ENTREP2: variants seen among roughly 807,000 people sequenced by gnomAD.
ENTREP2 encodes endosomal transmembrane epsin interactor 2, also known as protein ENTREP2.
the ENTREP2 span, among the ~76,000 whole-genome samples, chr15:29,353,351 C>G: frequency 1.3e-5 from 2 of 152,098 alleles, no homozygotes; most frequent in Admixed American, 1.3e-4. Context: ...AGACAAGAGC[C>G]CTGTGTGTCT....
the ENTREP2 span, among the ~76,000 whole-genome samples, chr15:29,145,325 T>C: frequency 6.6e-6 from 1 of 152,078 alleles, no homozygotes; most frequent in South Asian, 2.1e-4. Flanking sequence ...TTCTTTTTGA[T>C]AAAAAAGACC....
the ENTREP2 span, among the ~76,000 whole-genome samples, chr15:29,141,027 G>A: frequency 2.0e-5 from 3 of 152,228 alleles, no homozygotes; most frequent in South Asian, 2.1e-4. Context: ...AGTCTGCTCC[G>A]GGGAGAGGGG....
chr15:29,331,281 G>T, the ENTREP2 span, among the ~76,000 whole-genome samples: 117 of 152,292 alleles, frequency 7.7e-4, no homozygotes, highest in African/African-American at 2.6e-3. Context: ...CAGCAGGCCC[G>T]CCGGGAGGAG....
At chr15:29,326,147 A>G in the ENTREP2 span, among the ~76,000 whole-genome samples, 1 of 152,126 alleles carries the variant, frequency 6.6e-6, no homozygotes. Context: ...AATACTGCAC[A>G]CTTTCCCCCA....
At chr15:29,234,128 G>C in the ENTREP2 span, 2 of 1,538,172 alleles carry the variant, frequency 1.3e-6, no homozygotes, top group Admixed American at 3.3e-5. Context: ...TGACACATTG[G>C]GACTCTGCTC....
At chr15:29,645,812 G>C in the ENTREP2 span, among the ~76,000 whole-genome samples, 1 of 152,094 alleles carries the variant, frequency 6.6e-6, no homozygotes, top group Non-Finnish European at 1.5e-5. Context: ...CGCCCACTCA[G>C]CCTCCCAAAG....
chr15:29,396,584 T>C, the ENTREP2 span, among the ~76,000 whole-genome samples: 8 of 152,224 alleles, frequency 5.3e-5, 1 homozygote. Flanking sequence ...CTCTTAATAG[T>C]GTCCTTTGAT....
the ENTREP2 span, among the ~76,000 whole-genome samples, chr15:29,237,938 T>C: frequency 6.6e-6 from 1 of 152,052 alleles, no homozygotes; most frequent in African/African-American, 2.4e-5. Context: ...AGCCAAAAGG[T>C]GGAAACAACC....
chr15:29,595,953 C>T, the ENTREP2 span, among the ~76,000 whole-genome samples: 8 of 151,972 alleles, frequency 5.3e-5, no homozygotes, highest in Non-Finnish European at 8.8e-5. Flanking sequence ...AAGATGCTCC[C>T]GGCTTATCCT....
chr15:29,414,396 A>G, the ENTREP2 span, among the ~76,000 whole-genome samples: 1 of 152,200 alleles, frequency 6.6e-6, no homozygotes, highest in Non-Finnish European at 1.5e-5. Flanking sequence ...CTCCTGAATG[A>G]CTACTGGGTA....
chr15:29,552,057 A>G, the ENTREP2 span, among the ~76,000 whole-genome samples: 1 of 152,214 alleles, frequency 6.6e-6, no homozygotes, highest in African/African-American at 2.4e-5. Flanking sequence ...TCAAAGGAAC[A>G]GTCTCCTAAA....
the ENTREP2 span, among the ~76,000 whole-genome samples, chr15:29,644,298 G>A: frequency 2.6e-5 from 4 of 152,298 alleles, no homozygotes; most frequent in East Asian, 7.7e-4. Context: ...TGACAAAGGG[G>A]TGCAGAGTTC....
chr15:29,125,987 G>A, the ENTREP2 span, among the ~76,000 whole-genome samples: 3 of 152,300 alleles, frequency 2.0e-5, no homozygotes, highest in Non-Finnish European at 4.4e-5. Context: ...CTGGGCCCTG[G>A]AGCACGTGTG....
the ENTREP2 span, among the ~76,000 whole-genome samples, chr15:29,617,552 A>AT: frequency 6.6e-6 from 1 of 152,178 alleles, no homozygotes; most frequent in Admixed American, 6.5e-5. Flanking sequence ...GCAACTCATT[A>AT]TTTCATGTCT....
the ENTREP2 span, among the ~76,000 whole-genome samples, chr15:29,291,708 A>G: frequency 6.6e-6 from 1 of 152,204 alleles, no homozygotes; most frequent in African/African-American, 2.4e-5. Context: ...GTGAGTTTGA[A>G]TCTTTTTTCT....
At chr15:29,471,563 G>A in the ENTREP2 span, among the ~76,000 whole-genome samples, 1 of 152,172 alleles carries the variant, frequency 6.6e-6, no homozygotes, top group Non-Finnish European at 1.5e-5. Context: ...AGGAATAAAG[G>A]GAGTAGCAAA....
chr15:29,495,455 A>G, the ENTREP2 span, among the ~76,000 whole-genome samples: 5 of 152,152 alleles, frequency 3.3e-5, no homozygotes, highest in African/African-American at 1.2e-4. Flanking sequence ...TAATATTCAA[A>G]ACATCACTGC....
the ENTREP2 span, among the ~76,000 whole-genome samples, chr15:29,674,204 T>C: frequency 7.0e-6 from 1 of 143,582 alleles, no homozygotes; most frequent in Non-Finnish European, 1.5e-5. Context: ...AACTCCTCGC[T>C]ACCCCAGCCA....
chr15:29,439,284 T>TACAC, the ENTREP2 span, among the ~76,000 whole-genome samples: 6,035 of 96,650 alleles, frequency 0.062, 152 homozygotes, highest in Non-Finnish European at 0.069. Context: ...AAATTGGAAT[T>TACAC]ACACACACAC....
Sources: gnomAD v4.1 joint callset for allele counts (sites outside exome capture counted in the v4.1 genomes callset) on GRCh38, gnomAD v4.1.1 for gene constraint, MANE v1.5 for transcripts, NCBI Gene and HGNC (gene_info 2026-07-23, HGNC 2026-07-21) for gene names.